Variants in FAT2 observed in about 807,000 individuals in gnomAD.
The protein encoded by FAT2 is protocadherin Fat 2.
A neutral mutation model predicts 295.3 loss-of-function variants in FAT2; 150 were observed. The ratio of observed to expected loss-of-function variants is 0.51; its 90% CI spans 0.44 to 0.58. FAT2 has a LOEUF of 0.58. Ranked by LOEUF, FAT2 falls within the 20% of genes least tolerant of loss-of-function variation. FAT2 has a pLI of 0.00. For synonymous variants in FAT2, 2,026 were observed against 2,150.3 expected, an observed-to-expected ratio of 0.94 and a Z score of 1.60; for missense variants, 4,868 against 5,442.7, an observed-to-expected ratio of 0.89 and a Z score of 3.32.
At chr5:151,586,428 T>C (rs1464560052) in intron 1 of FAT2, among the ~76,000 whole-genome samples, 1 of 151,428 alleles carries the variant, frequency 6.6e-6, no homozygotes, top group Non-Finnish European at 1.5e-5. Flanking sequence ...TTCTGTCTTT[T>C]GCAGACCTAC....
At chr5:151,590,265 C>T (rs1759346084) in intron 1 of FAT2, among the ~76,000 whole-genome samples, 1 of 152,228 alleles carries the variant, frequency 6.6e-6, no homozygotes, top group Non-Finnish European at 1.5e-5. Context: ...TTCACCTCCT[C>T]CTCTCCCCTG....
intron 17 of FAT2, among the ~76,000 whole-genome samples, chr5:151,526,871 G>T (rs1408703740): frequency 6.6e-6 from 1 of 152,086 alleles, no homozygotes; most frequent in Non-Finnish European, 1.5e-5. Flanking sequence ...CAAACCATTA[G>T]TAGGGAATAG....
chr5:151,529,656 G>A (rs1754379561), intron 14 of FAT2, among the ~76,000 whole-genome samples: 1 of 152,068 alleles, frequency 6.6e-6, no homozygotes, highest in African/African-American at 2.4e-5. Context: ...TCATTTAAAT[G>A]TGTGATGCTA....
Position 151,554,736 on chromosome 5 carries a change from A to C in FAT2, c.3634-63T>G, listed in dbSNP as rs1581428171. On this transcript the variant is annotated intron_variant, in intron 4 of 23. Transcript: ENST00000261800. ...ATTGCAAATTAGTGACTATGCTTTA[A>C]CAACCTGGAAATAGTAGTCACTTTG... 3.2e-6 allele frequency: 4 copies of C among 1,264,648 alleles called. No individual in the cohort carries two copies. In the African/African-American group the frequency reaches 6.3e-5, roughly 20 times the overall value. 78.3% of individuals were successfully genotyped at this position (1,264,648 alleles called of 1,614,324 possible).
At chr5:151,572,651 G>A (rs7737419) in intron 1 of FAT2, among the ~76,000 whole-genome samples, 69,224 of 152,090 alleles carry the variant, frequency 0.46, 15,886 homozygotes, top group Non-Finnish European at 0.49. Flanking sequence ...ACATAAGATC[G>A]TGCACGTTAA....
chr5:151,592,775 C>A (rs1175394221), upstream of FAT2, among the ~76,000 whole-genome samples: 1 of 152,060 alleles, frequency 6.6e-6, no homozygotes. Flanking sequence ...AAAACTGAGG[C>A]CTGGTTCTAT....
At chr5:151,529,815 T>C (rs1485008203) in intron 14 of FAT2, among the ~76,000 whole-genome samples, 1 of 152,152 alleles carries the variant, frequency 6.6e-6, no homozygotes, top group Non-Finnish European at 1.5e-5. Flanking sequence ...CCTCAGGGCA[T>C]AAAATGAGAT....
intron 1 of FAT2, among the ~76,000 whole-genome samples, chr5:151,578,632 G>A (rs1758831655): frequency 2.0e-5 from 3 of 152,136 alleles, no homozygotes; most frequent in African/African-American, 4.8e-5. Flanking sequence ...ATATCCAAAC[G>A]AAATGAAATC....
rs2127590833 is a variant in FAT2 at position 151,531,540 on chromosome 5, G to C, written c.9811+47C>G. ...ACAGGGGAGGAACCCAGCGCTCCCA[G>C]AAACCCTGTACGCGATGCTTTGGGG... On this transcript the variant is annotated intron_variant, in intron 14 of 23. Transcript: ENST00000261800. The surrounding 1 kb of genome is among the most constrained non-coding windows in gnomAD (Gnocchi z 5.7). 6.2e-7 allele frequency: 1 copy of C among 1,606,590 alleles called. No homozygotes were observed. The highest frequency in any genetic ancestry group is 8.5e-7 in the Non-Finnish European group (1 of 1,176,718).
chr5:151,510,660 C>T (rs1761249291), intron 21 of FAT2: 1 of 151,394 alleles, frequency 6.6e-6, no homozygotes, highest in African/African-American at 2.4e-5. Context: ...ATCAGTATCT[C>T]AGTAATTATA....
chr5:151,540,522 C>T (rs2127601988), intron 11 of FAT2, 45 bp downstream of exon 11: 1 of 1,548,412 alleles, frequency 6.5e-7, no homozygotes, highest in Non-Finnish European at 8.8e-7. Flanking sequence ...TCACTCTTAT[C>T]TTCCTTGCCT....
intron 1 of FAT2, among the ~76,000 whole-genome samples, chr5:151,587,406 A>C (rs895223659): frequency 6.6e-6 from 1 of 152,052 alleles, no homozygotes; most frequent in African/African-American, 2.4e-5. Flanking sequence ...GGTGTTCCCC[A>C]CCCAATTTAT....
rs34375602 is a variant in FAT2 at position 151,504,119 on chromosome 5, TAAA to T, written c.*1443_*1445del. 1 of 150,326 alleles carries T rather than the reference TAAA, an allele frequency of 6.7e-6. No homozygotes were observed. The highest frequency in any genetic ancestry group is 1.5e-5 in the Non-Finnish European group (1 of 67,354). 9.3% of individuals were successfully genotyped at this position (150,326 alleles called of 1,614,324 possible). A position where few individuals can be genotyped will look rare whatever the true frequency, so the allele number is the denominator to read the frequency against. On this transcript the variant is annotated 3_prime_UTR_variant, in exon 24 of 24. Transcript: ENST00000261800. ...ACAGTAAAAAAAGATACTTTATTGT[TAAA>T]AAAAAAATGACCAATGAAACTATGT...
At chr5:151,565,353 A>G (rs1392404103) in intron 2 of FAT2, among the ~76,000 whole-genome samples, 4 of 152,088 alleles carry the variant, frequency 2.6e-5, no homozygotes, top group Non-Finnish European at 5.9e-5. Context: ...AATAAAGATT[A>G]TATCTGGGGT....
chr5:151,590,277 G>A (rs562879395), intron 1 of FAT2, among the ~76,000 whole-genome samples: 58 of 152,304 alleles, frequency 3.8e-4, no homozygotes, highest in Non-Finnish European at 5.3e-4. Flanking sequence ...TCTCCCCTGA[G>A]TCCAGGCGCC....
chr5:151,510,310 A>G (rs907532971), intron 21 of FAT2, 136 bp from the exon 22 acceptor site: 5 of 1,026,280 alleles, frequency 4.9e-6, no homozygotes, highest in Middle Eastern at 3.1e-4. Context: ...TGTGCCCAAT[A>G]CCGTGCTGGG....
intron 13 of FAT2, among the ~76,000 whole-genome samples, chr5:151,533,542 A>T (rs1754905285): frequency 6.6e-6 from 1 of 151,802 alleles, no homozygotes; most frequent in Non-Finnish European, 1.5e-5. Context: ...GCTAAAACTC[A>T]CTTTCTCTAG....
rs1758262309 is a variant in FAT2 at position 151,566,357 on chromosome 5, G to A, written c.2575C>T (p.Leu859=). The A allele has an allele frequency of 2.5e-6, 4 of 1,614,140 alleles. No homozygotes were observed. Among genetic ancestry groups the A allele is most frequent in the Non-Finnish European group, 3.4e-6 (4 of 1,180,018 alleles). ...SEDNGRVRYT[L]LSPTEKFSLH... ...GAGAACTTCTCTGTGGGACTTAGCA[G>A]GGTGTAGCGAACCCTGCCATTGTCT... The change falls in exon 2 of 24, where the codon CTG becomes TTG. Residue 859 remains leucine (L), a synonymous_variant. Coordinates refer to ENST00000261800, the MANE Select transcript of FAT2 (RefSeq NM_001447.3).
At chr5:151,555,882 A>T (rs1757649695) in intron 4 of FAT2, among the ~76,000 whole-genome samples, 1 of 152,140 alleles carries the variant, frequency 6.6e-6, no homozygotes, top group Non-Finnish European at 1.5e-5. Context: ...TAGGTCACTA[A>T]CCAAAGCCTT....
Sources: gnomAD v4.1 joint callset for allele counts (sites outside exome capture counted in the v4.1 genomes callset) on GRCh38, gnomAD v4.1.1 for gene constraint, Gnocchi (gnomAD v3.1) non-coding constraint, MANE v1.5 for transcripts, NCBI Gene and HGNC (gene_info 2026-07-23, HGNC 2026-07-21) for gene names.